Variants in IL1RAP observed in about 807,000 individuals in gnomAD.
IL1RAP encodes interleukin 1 receptor accessory protein, also known as interleukin-1 receptor accessory protein.
A neutral mutation model predicts 60.7 loss-of-function variants in IL1RAP; 35 were observed. The observed-to-expected ratio is 0.58, with a 90% CI of 0.44 to 0.76. The LOEUF (loss-of-function observed/expected upper bound fraction) is 0.76, where lower values mean the gene tolerates loss of function less well. Ranked by LOEUF, IL1RAP falls within the 30% of genes least tolerant of loss-of-function variation. The pLI is 0.00. For missense variants in IL1RAP, 572 were observed against 693.9 expected (o/e 0.82, Z 1.97); for synonymous variants, 268 against 250.9 (o/e 1.07, Z -0.64).
At chr3:190,543,163 T>C (rs545881301) in intron 1 of IL1RAP, among the ~76,000 whole-genome samples, 2 of 152,152 alleles carry the variant, frequency 1.3e-5, no homozygotes, top group Admixed American at 6.5e-5. Flanking sequence ...AATCCAAAGG[T>C]ATTCTGTTGA....
At chr3:190,612,950 T>C (rs1006248126) in intron 5 of IL1RAP, among the ~76,000 whole-genome samples, 1 of 152,086 alleles carries the variant, frequency 6.6e-6, no homozygotes, top group Non-Finnish European at 1.5e-5. Flanking sequence ...CAGTGCAATA[T>C]GCCAGGGGGT....
At chr3:190,612,116 T>C (rs1160085513) in intron 5 of IL1RAP, among the ~76,000 whole-genome samples, 2 of 152,192 alleles carry the variant, frequency 1.3e-5, no homozygotes, top group South Asian at 4.1e-4. Flanking sequence ...GTCTGTGATT[T>C]GCCTCAAAAT....
At chr3:190,654,296 G>C (rs1341081568), downstream of IL1RAP, among the ~76,000 whole-genome samples, 2 of 150,646 alleles carry the variant, frequency 1.3e-5, no homozygotes, top group Non-Finnish European at 2.9e-5. Context: ...ACATTTCTCA[G>C]GAGCCAGGAG....
intron 2 of IL1RAP, among the ~76,000 whole-genome samples, chr3:190,562,581 G>T (rs973125578): frequency 6.6e-6 from 1 of 151,968 alleles, no homozygotes; most frequent in Non-Finnish European, 1.5e-5. Flanking sequence ...AGGCTTCGTA[G>T]CTGTATCATA....
chr3:190,630,869 A>T (rs767998881), intron 9 of IL1RAP, among the ~76,000 whole-genome samples: 4 of 152,190 alleles, frequency 2.6e-5, no homozygotes, highest in Non-Finnish European at 5.9e-5. Context: ...TTATATTTAA[A>T]GTAGACACAA....
chr3:190,604,255 T>C lies in IL1RAP; in HGVS notation c.192T>C (p.Ala64=), dbSNP rs373099766. 85 of 1,614,028 alleles carry C rather than the reference T, an allele frequency of 5.3e-5. No homozygotes were observed. The highest frequency in any genetic ancestry group is 1.6e-4 in the Middle Eastern group (1 of 6,082). ...TCAACTACAGCACAGCCCATTCAGC[T>C]GGCCTTACTCTGATCTGGTATTGGA... ...LKFNYSTAHS[A]GLTLIWYWTR... Residue 64 remains alanine (A), a synonymous_variant, in exon 4 of 12, where the codon GCT becomes GCC. Transcript: ENST00000447382.
rs75516625 is a variant in IL1RAP, at chr3:190,554,277, A to G, written c.-88-1853A>G. 3.2e-3 allele frequency among the ~76,000 whole-genome samples: 489 copies of G among 152,154 alleles called. 3 individuals are homozygous for G. The highest frequency in any genetic ancestry group is 0.011 in the African/African-American group (472 of 41,518). On this transcript the variant is annotated intron_variant, in intron 1 of 11. Coordinates refer to ENST00000447382, the MANE Select transcript of IL1RAP (RefSeq NM_002182.4). Reference sequence around the variant, plus strand: ...ATTTATTGGGCAAAAAGGAAAAAAAAAGGAAACGGGCTCTCAGCAAAGTGA... The same window carrying G: ...ATTTATTGGGCAAAAAGGAAAAAAAGAGGAAACGGGCTCTCAGCAAAGTGA...
intron 3 of IL1RAP, among the ~76,000 whole-genome samples, chr3:190,601,700 T>C (rs57433296): frequency 0.066 from 10,005 of 152,278 alleles, 460 homozygotes; most frequent in East Asian, 0.14. Flanking sequence ...TTTATTTCAC[T>C]TGTATTTTTG....
intron 3 of IL1RAP, among the ~76,000 whole-genome samples, chr3:190,570,600 C>A (rs774439881): frequency 2.6e-5 from 4 of 151,948 alleles, no homozygotes; most frequent in Non-Finnish European, 4.4e-5. Context: ...GAGCTTCGCT[C>A]TTGTTGCCAG....
intron 5 of IL1RAP, chr3:190,615,260 A>T (rs752096059): frequency 8.4e-7 from 1 of 1,184,928 alleles, no homozygotes. Context: ...CAGCTGGCTT[A>T]TAAAACAAAT....
At chr3:190,523,703 C>T (rs1722275558) in intron 1 of IL1RAP, among the ~76,000 whole-genome samples, 1 of 152,122 alleles carries the variant, frequency 6.6e-6, no homozygotes, top group South Asian at 2.1e-4. Context: ...TAATCTCATT[C>T]CTTTTTATGG....
chr3:190,524,535 A>G (rs1050164950), intron 1 of IL1RAP, among the ~76,000 whole-genome samples: 1 of 152,076 alleles, frequency 6.6e-6, no homozygotes, highest in Non-Finnish European at 1.5e-5. Flanking sequence ...TTCAATTTCA[A>G]TCTTCTTCAT....
intron 6 of IL1RAP, among the ~76,000 whole-genome samples, chr3:190,621,304 T>G (rs1320439555): frequency 2.0e-5 from 3 of 152,184 alleles, no homozygotes; most frequent in African/African-American, 7.2e-5. Flanking sequence ...CTGACATGAT[T>G]TAGTATAAGT....
At chr3:190,655,759 T>C, downstream of IL1RAP, 1 of 623,582 alleles carries the variant, frequency 1.6e-6, no homozygotes, top group South Asian at 2.7e-5. Flanking sequence ...ACTGGGTAAA[T>C]TATTCAGCAC....
intron 3 of IL1RAP, among the ~76,000 whole-genome samples, chr3:190,576,068 A>G (rs997684573): frequency 4.6e-5 from 7 of 152,220 alleles, no homozygotes; most frequent in Admixed American, 2.0e-4. Flanking sequence ...TTTAGAAAAA[A>G]AAAATAGTTA....
intron 1 of IL1RAP, among the ~76,000 whole-genome samples, chr3:190,533,845 T>G (rs1560146064): frequency 6.6e-6 from 1 of 152,150 alleles, no homozygotes; most frequent in South Asian, 2.1e-4. Context: ...TGAAAAATAC[T>G]CCCTTTGCGG....
chr3:190,563,683 C>T (rs998969114), intron 2 of IL1RAP, among the ~76,000 whole-genome samples: 11 of 152,060 alleles, frequency 7.2e-5, no homozygotes, highest in African/African-American at 2.7e-4. Context: ...ATATATTTTC[C>T]TTAATATAAA....
At chr3:190,567,552 G>A (rs181755951) in intron 3 of IL1RAP, among the ~76,000 whole-genome samples, 2 of 152,258 alleles carry the variant, frequency 1.3e-5, no homozygotes, top group Admixed American at 6.5e-5. Context: ...TGACTTCAAC[G>A]AGTTTCTGGA....
rs202059423 is a variant in IL1RAP, at chr3:190,571,121, AT to A, written c.64+6776del. Among the ~76,000 whole-genome samples the A allele has an allele frequency of 6.3e-3, 961 of 152,038 alleles. 12 individuals are homozygous for A. The highest frequency in any genetic ancestry group is 0.022 in the African/African-American group (916 of 41,480). ...AAAGAAAACAGGCACATCGATCATGATTTTTTTTATGTGTGATTTTTTCTGT... is the reference window on the plus strand; with the variant it reads ...AAAGAAAACAGGCACATCGATCATGATTTTTTTATGTGTGATTTTTTCTGT... On this transcript the variant is annotated intron_variant, in intron 3 of 11. Coordinates refer to ENST00000447382, the MANE Select transcript of IL1RAP (RefSeq NM_002182.4).
Sources: gnomAD v4.1 joint callset for allele counts (sites outside exome capture counted in the v4.1 genomes callset) on GRCh38, gnomAD v4.1.1 for gene constraint, MANE v1.5 for transcripts, NCBI Gene and HGNC (gene_info 2026-07-23, HGNC 2026-07-21) for gene names.